The following NRXN3 variants were observed in gnomAD, a reference collection of about 807,000 sequenced individuals.
NRXN3 encodes neurexin III.
Under a neutral mutation model 137.6 loss-of-function variants are expected in NRXN3, and 32 were observed. That is an observed-to-expected ratio of 0.23 (90% CI 0.18 to 0.31). The LOEUF (loss-of-function observed/expected upper bound fraction) is 0.31. Among genes scored for constraint, NRXN3 ranks in the 10% least tolerant of loss-of-function variants. The pLI, the probability that NRXN3 is intolerant of heterozygous loss-of-function variation, is 1.00. For synonymous variants in NRXN3, 798 were observed against 784.5 expected (o/e 1.02, Z -0.29); for missense variants, 1,574 against 2,062.5 (o/e 0.76, Z 4.59).
At chr14:78,983,384 A>G (rs1338481340) in intron 14 of NRXN3, among the ~76,000 whole-genome samples, 1 of 152,250 alleles carries the variant, frequency 6.6e-6, no homozygotes, top group African/African-American at 2.4e-5. Flanking sequence ...GCTAAAAATT[A>G]GAAGAAACCT....
chr14:78,231,667 T>C (rs1409973760), intron 1 of NRXN3: 2 of 152,206 alleles, frequency 1.3e-5, no homozygotes, highest in Admixed American at 6.5e-5. Flanking sequence ...CATATGACTT[T>C]GGAAAAATGA....
intron 17 of NRXN3, among the ~76,000 whole-genome samples, chr14:79,675,355 T>A (rs1398095106): frequency 5.3e-5 from 8 of 152,116 alleles, no homozygotes; most frequent in African/African-American, 1.9e-4. Context: ...GCTGTTATAA[T>A]GCAAAATCTA....
At chr14:78,920,681 A>G (rs1018465321) in intron 10 of NRXN3, among the ~76,000 whole-genome samples, 5 of 152,122 alleles carry the variant, frequency 3.3e-5, no homozygotes, top group African/African-American at 9.7e-5. Flanking sequence ...GCTGACCACA[A>G]ATTGGGGGTT....
chr14:79,806,175 A>G (rs541120326), intron 20 of NRXN3, among the ~76,000 whole-genome samples: 1 of 152,280 alleles, frequency 6.6e-6, no homozygotes, highest in East Asian at 1.9e-4. Context: ...TTTTCTAGTT[A>G]TTTTTTGCAT....
At chr14:78,733,614 G>A (rs2098527282) in intron 8 of NRXN3, among the ~76,000 whole-genome samples, 1 of 152,058 alleles carries the variant, frequency 6.6e-6, no homozygotes, top group Non-Finnish European at 1.5e-5. Flanking sequence ...AAATATTCCT[G>A]GCCAGAATTT....
intron 20 of NRXN3, among the ~76,000 whole-genome samples, chr14:79,818,109 A>G (rs955242003): frequency 7.9e-5 from 10 of 127,326 alleles, no homozygotes; most frequent in African/African-American, 2.7e-4. Flanking sequence ...GCTGGAGTGC[A>G]GTGGCGCGAT....
At chr14:78,866,528 G>A (rs962871357) in intron 10 of NRXN3, among the ~76,000 whole-genome samples, 9 of 152,080 alleles carry the variant, frequency 5.9e-5, no homozygotes, top group African/African-American at 2.2e-4. Flanking sequence ...AGCATTTTTA[G>A]CACTTGTTGG....
chr14:79,396,549 G>T (rs572278455), intron 15 of NRXN3, among the ~76,000 whole-genome samples: 1 of 152,192 alleles, frequency 6.6e-6, no homozygotes, highest in East Asian at 1.9e-4. Flanking sequence ...TGCTTTGCTT[G>T]AGAAGCAGCC....
chr14:79,125,162 C>A (rs2056179002), intron 15 of NRXN3, among the ~76,000 whole-genome samples: 3 of 152,176 alleles, frequency 2.0e-5, no homozygotes, highest in Non-Finnish European at 1.5e-5. Context: ...ATCTGGCTGT[C>A]CCTTTTCATC....
At chr14:79,693,808 G>A (rs1229466872) in intron 18 of NRXN3, among the ~76,000 whole-genome samples, 1 of 151,628 alleles carries the variant, frequency 6.6e-6, no homozygotes, top group Non-Finnish European at 1.5e-5. Flanking sequence ...GTGGGACTGG[G>A]GAAGATATCC....
At chr14:78,424,444 T>C (rs1051642773) in intron 4 of NRXN3, among the ~76,000 whole-genome samples, 3 of 152,342 alleles carry the variant, frequency 2.0e-5, no homozygotes, top group African/African-American at 7.2e-5. Context: ...GGACAGACTG[T>C]TGGAACAAAG....
chr14:78,236,587 C>T (rs757384681), intron 1 of NRXN3, among the ~76,000 whole-genome samples: 3 of 152,142 alleles, frequency 2.0e-5, no homozygotes, highest in East Asian at 1.9e-4. Context: ...TCGTGTATAC[C>T]TAAAAGGGTA....
At chr14:79,386,715 C>A (rs1162582800) in intron 15 of NRXN3, among the ~76,000 whole-genome samples, 1 of 152,048 alleles carries the variant, frequency 6.6e-6, no homozygotes, top group African/African-American at 2.4e-5. Flanking sequence ...TACAAGGCTA[C>A]AGTAACCAAA....
At chr14:79,716,408 T>A (rs1437636781) in intron 19 of NRXN3, among the ~76,000 whole-genome samples, 1 of 152,244 alleles carries the variant, frequency 6.6e-6, no homozygotes, top group Non-Finnish European at 1.5e-5. Flanking sequence ...CTATCATATG[T>A]TGTAATATCA....
At chr14:79,007,817 A>G (rs1488136512) in intron 15 of NRXN3, among the ~76,000 whole-genome samples, 3 of 151,466 alleles carry the variant, frequency 2.0e-5, no homozygotes, top group Non-Finnish European at 4.4e-5. Flanking sequence ...AAAAAAAAAA[A>G]AAAAAAAAAA....
At chr14:79,011,977 T>C (rs1341384759) in intron 15 of NRXN3, among the ~76,000 whole-genome samples, 5 of 152,248 alleles carry the variant, frequency 3.3e-5, no homozygotes, top group African/African-American at 1.2e-4. Context: ...CTGATTTGAC[T>C]CATTCCATTA....
chr14:78,917,583 CAG>C (rs1194301261), intron 10 of NRXN3, among the ~76,000 whole-genome samples: 1 of 152,164 alleles, frequency 6.6e-6, no homozygotes, highest in East Asian at 1.9e-4. Context: ...GCCATTTAAA[CAG>C]AGTCTGTGTG....
intron 8 of NRXN3, among the ~76,000 whole-genome samples, chr14:78,802,250 C>T (rs1389052241): frequency 6.6e-6 from 1 of 152,178 alleles, no homozygotes; most frequent in African/African-American, 2.4e-5. Context: ...TGCTGTGTGA[C>T]TTTGGGATGA....
Position 78,330,428 on chromosome 14 carries a change from C to G in NRXN3, c.757+32568C>G, listed in dbSNP as rs140214269. ...TCTCATTTCACATGGAAGGAGCCCA[C>G]CTAATTTAGGTGGGCTTGGTACACT... is the stretch of plus-strand genomic sequence containing the variant. On this transcript the variant is annotated intron_variant, in intron 4 of 20. Coordinates refer to ENST00000335750, the MANE Select transcript of NRXN3 (RefSeq NM_001330195.2). 3.3e-5 allele frequency among the ~76,000 whole-genome samples: 5 copies of G among 152,168 alleles called. No individual in the cohort carries two copies. In the East Asian group the frequency reaches 9.7e-4, roughly 29 times the overall value.
Sources: allele counts gnomAD v4.1 joint callset (sites outside exome capture counted in the v4.1 genomes callset), GRCh38; gene constraint gnomAD v4.1.1; transcripts MANE v1.5; gene names NCBI Gene and HGNC (gene_info 2026-07-23, HGNC 2026-07-21).